PCDHGB2: variants seen among roughly 807,000 people sequenced by gnomAD.
PCDHGB2 encodes the protein protocadherin gamma-B2.
Under a neutral mutation model 59.3 loss-of-function variants are expected in PCDHGB2, and 55 were observed. The ratio of observed to expected loss-of-function variants is 0.93; its 90% CI spans 0.75 to 1.16. The LOEUF (loss-of-function observed/expected upper bound fraction) is 1.16. Among genes scored for constraint, PCDHGB2 ranks in the 50% most tolerant of loss-of-function variants. The pLI is 0.00. For synonymous variants in PCDHGB2, 516 were observed against 512.0 expected, an observed-to-expected ratio of 1.01 and a Z score of -0.11; for missense variants, 1,228 against 1,198.5, an observed-to-expected ratio of 1.02 and a Z score of -0.36.
chr5:141,385,219 A>C, intron 1 of PCDHGB2: 1 of 1,614,236 alleles, frequency 6.2e-7, no homozygotes, highest in Non-Finnish European at 8.5e-7. Flanking sequence ...CCCCCAGCCC[A>C]ACTATGTAGA....
At chr5:141,416,928 A>G (rs1297487387) in intron 1 of PCDHGB2, 4 of 152,170 alleles carry the variant, frequency 2.6e-5, no homozygotes, top group Non-Finnish European at 2.9e-5. Flanking sequence ...ATAGTTATTA[A>G]CTATTAAACC....
chr5:141,371,712 C>T (rs1403380623), intron 1 of PCDHGB2: 1 of 1,614,078 alleles, frequency 6.2e-7, no homozygotes, highest in Admixed American at 1.7e-5. Context: ...GACCATCACT[C>T]TGCACATCCT....
chr5:141,384,064 A>G, intron 1 of PCDHGB2: 13 of 1,607,984 alleles, frequency 8.1e-6, no homozygotes, highest in Non-Finnish European at 1.1e-5. Context: ...CATTCCAGAA[A>G]ACCTACCTTT....
At chr5:141,466,324 C>A (rs2154569179) in intron 1 of PCDHGB2, among the ~76,000 whole-genome samples, 1 of 152,218 alleles carries the variant, frequency 6.6e-6, no homozygotes, top group East Asian at 1.9e-4. Context: ...GCACATGCTA[C>A]CATGCCTGGA....
chr5:141,396,996 C>G (rs1435849865), intron 1 of PCDHGB2, among the ~76,000 whole-genome samples: 1 of 152,218 alleles, frequency 6.6e-6, no homozygotes, highest in Non-Finnish European at 1.5e-5. Context: ...TTTTATTAAT[C>G]TGACAAATGG....
chr5:141,399,799 G>A lies in PCDHGB2; in HGVS notation c.2421+37243G>A, dbSNP rs768345936. The A allele has an allele frequency of 8.7e-6, 14 of 1,613,236 alleles. No homozygotes were observed. The South Asian group carries it at 1.5e-4, about 18-fold the overall frequency. On this transcript the variant is annotated intron_variant, in intron 1 of 3. Transcript: ENST00000522605. The stretch of plus-strand genomic sequence containing the variant: ...CGACCGAAACGACAACGCACCGCGG[G>A]TGCTGTACCCCGCGCTGGGTCCCGA...
chr5:141,399,320 A>T (rs775357251), intron 1 of PCDHGB2: 2 of 1,614,010 alleles, frequency 1.2e-6, no homozygotes, highest in Non-Finnish European at 1.7e-6. Flanking sequence ...AAAAATTCGT[A>T]TAAGTTGGTA....
At chr5:141,473,810 G>A (rs549204595) in intron 1 of PCDHGB2, among the ~76,000 whole-genome samples, 1 of 152,334 alleles carries the variant, frequency 6.6e-6, no homozygotes, top group South Asian at 2.1e-4. Flanking sequence ...CTGAGGAGCA[G>A]CTGGACAATT....
At position 141,366,149 on chromosome 5, in the gene PCDHGB2, C is replaced by A; in HGVS notation, c.2421+3593C>A. On this transcript the variant is annotated intron_variant, in intron 1 of 3. Coordinates refer to ENST00000522605, the MANE Select transcript of PCDHGB2 (RefSeq NM_018923.3). ...AGGCCAGAACGCCTGGCTGTCCTAC[C>A]GCCTGCTTAAGGCCAGCGAGCCAGG... is the stretch of plus-strand genomic sequence containing the variant. The A allele has an allele frequency of 4.3e-6, 7 of 1,614,160 alleles. No individual in the cohort carries two copies. Among genetic ancestry groups the A allele is most frequent in the Non-Finnish European group, 5.9e-6 (7 of 1,180,048 alleles).
Position 141,360,637 on chromosome 5 carries a change from C to A in PCDHGB2, c.502C>A (p.Gln168Lys), listed in dbSNP as rs1326882872. 6.2e-7 allele frequency: 1 copy of A among 1,614,018 alleles called. No individual in the cohort carries two copies. The highest frequency in any genetic ancestry group is 8.5e-7 in the Non-Finnish European group (1 of 1,179,894). ...LDSDVGPNSLQRYHLNDNEYF... is the reference protein window; with the variant it reads ...LDSDVGPNSLKRYHLNDNEYF... ...TTCAGATGTTGGTCCTAACTCACTA[C>A]AAAGATACCACCTTAATGACAACGA... The change falls in exon 1 of 4, where the codon CAA becomes AAA. Residue 168 changes from glutamine to lysine, a missense_variant. Gln to Lys is a moderately conservative substitution (Grantham distance 53, BLOSUM62 1). Transcript: ENST00000522605.
intron 1 of PCDHGB2, among the ~76,000 whole-genome samples, chr5:141,444,646 G>T (rs1023259048): frequency 1.3e-5 from 2 of 152,098 alleles, no homozygotes; most frequent in Non-Finnish European, 2.9e-5. Flanking sequence ...TGAGGTAGGG[G>T]TTGAAGTTAT....
chr5:141,409,023 A>G, intron 1 of PCDHGB2: 4 of 1,614,044 alleles, frequency 2.5e-6, no homozygotes, highest in Non-Finnish European at 3.4e-6. Flanking sequence ...GAGGGGGTCA[A>G]TGCTGAGATA....
At chr5:141,415,066 C>A in intron 1 of PCDHGB2, 1 of 1,613,410 alleles carries the variant, frequency 6.2e-7, no homozygotes, top group Non-Finnish European at 8.5e-7. Flanking sequence ...GGGCGAGGTG[C>A]GCACGGCGCG....
intron 1 of PCDHGB2, among the ~76,000 whole-genome samples, chr5:141,479,135 G>C (rs1236040845): frequency 6.6e-6 from 1 of 152,126 alleles, no homozygotes; most frequent in East Asian, 1.9e-4. Flanking sequence ...TGTGCACCCT[G>C]CTTACAAAAT....
At chr5:141,430,603 C>A in intron 1 of PCDHGB2, 1 of 632,906 alleles carries the variant, frequency 1.6e-6, no homozygotes, top group Non-Finnish European at 2.5e-6. Context: ...GCGCCTGAAG[C>A]ACAAAGCAGA....
At chr5:141,467,564 G>A (rs926613546) in intron 1 of PCDHGB2, among the ~76,000 whole-genome samples, 5 of 152,152 alleles carry the variant, frequency 3.3e-5, no homozygotes, top group Admixed American at 3.3e-4. Flanking sequence ...TTCCCAAATG[G>A]CTATCCAGTT....
intron 1 of PCDHGB2, chr5:141,423,752 G>GC: frequency 1.6e-6 from 1 of 644,956 alleles, no homozygotes; most frequent in East Asian, 1.1e-4. Context: ...AAACTGTTTG[G>GC]GGGGGGGGTG....
chr5:141,400,699 A>G (rs1040547233), intron 1 of PCDHGB2: 1 of 733,556 alleles, frequency 1.4e-6, no homozygotes, highest in Non-Finnish European at 2.2e-6. Flanking sequence ...TATGTCGCAT[A>G]AAAGAAGTAG....
chr5:141,407,089 TTTTA>T (rs2094885755), intron 1 of PCDHGB2, among the ~76,000 whole-genome samples: 2 of 152,196 alleles, frequency 1.3e-5, no homozygotes, highest in South Asian at 4.1e-4. Flanking sequence ...TGAAGAATTG[TTTTA>T]TTTGTTTGTA....
Sources: gnomAD v4.1 joint callset for allele counts (sites outside exome capture counted in the v4.1 genomes callset) on GRCh38, gnomAD v4.1.1 for gene constraint, MANE v1.5 for transcripts, NCBI Gene and HGNC (gene_info 2026-07-23, HGNC 2026-07-21) for gene names.